AQR: variants seen among roughly 807,000 people sequenced by gnomAD.
AQR encodes the protein RNA helicase aquarius.
In AQR, 61 loss-of-function variants were observed where a neutral mutation model predicts 180.5. That is an observed-to-expected ratio of 0.34 (90% CI 0.28 to 0.42). The LOEUF (loss-of-function observed/expected upper bound fraction) is 0.42. AQR is among the 10% of genes least tolerant of loss of function. The probability of loss-of-function intolerance (pLI) is 1.00; values close to 1 mark genes in which losing one functional copy is unlikely to be tolerated. For synonymous variants in AQR, 551 were observed against 588.8 expected (o/e 0.94, Z 0.93); for missense variants, 1,281 against 1,798.3 (o/e 0.71, Z 5.20).
intron 22 of AQR, among the ~76,000 whole-genome samples, chr15:34,895,187 A>T (rs11073075): frequency 2.3e-4 from 3 of 12,928 alleles, no homozygotes; most frequent in Non-Finnish European, 3.0e-4. Context: ...AAAAAAAAAA[A>T]ATATATATAT....
chr15:34,938,800 T>C lies in AQR; in HGVS notation c.655A>G (p.Arg219Gly). 1 of 1,608,098 alleles carries C rather than the reference T, an allele frequency of 6.2e-7. No individual in the cohort carries two copies. Among genetic ancestry groups the C allele is most frequent in the Non-Finnish European group, 8.5e-7 (1 of 1,175,676 alleles). The part of the protein sequence containing the change: ...PEAREQAYQE[R>G]RFLSQLIQKF... ...TGGATGAGTTGTGAAAGAAATCTCCTCTCTTGATATGCCCTAAAATCAGAA... is the reference window on the plus strand; with the variant it reads ...TGGATGAGTTGTGAAAGAAATCTCCCCTCTTGATATGCCCTAAAATCAGAA... The change falls in exon 9 of 35, where the codon AGG becomes GGG. Residue 219 changes from arginine to glycine, a missense_variant. Coordinates refer to ENST00000156471, the MANE Select transcript of AQR (RefSeq NM_014691.3).
intron 6 of AQR, chr15:34,943,063 A>G (rs1894050361): frequency 6.2e-7 from 1 of 1,610,274 alleles, no homozygotes; most frequent in Admixed American, 1.7e-5. Flanking sequence ...TTCTGTGCCG[A>G]TAACGCTCAC....
intron 2 of AQR, among the ~76,000 whole-genome samples, chr15:34,961,574 C>A (rs1045928422): frequency 8.7e-5 from 12 of 137,748 alleles, no homozygotes; most frequent in Admixed American, 4.0e-4. Context: ...CGCGCCACTG[C>A]ACTCCATCCA....
intron 2 of AQR, among the ~76,000 whole-genome samples, 190 bp from the exon 3 acceptor site, chr15:34,961,004 C>G (rs1039934523): frequency 4.6e-5 from 7 of 151,648 alleles, no homozygotes; most frequent in Non-Finnish European, 1.0e-4. Context: ...TAACAGAAAG[C>G]AAAGTAGAAA....
Position 34,884,618 on chromosome 15 carries a change from A to AGGAGCATTT in AQR, c.2925_2933dup (p.Asn976_Pro978dup), listed in dbSNP as rs1376661644. The AGGAGCATTT allele has an allele frequency of 9.9e-6, 16 of 1,610,186 alleles. No individual in the cohort carries two copies. The highest frequency in any genetic ancestry group is 1.4e-5 in the Non-Finnish European group (16 of 1,179,064). On this transcript the variant is annotated inframe_insertion, in exon 26 of 35. Transcript: ENST00000156471. ...AAGATCTTCCTTTAAAAATGGGTTG[A>AGGAGCATTT]GGAGCATTTGCAAAGTATTCATGGA...
chr15:34,879,502 A>G (rs1350746192), intron 27 of AQR, among the ~76,000 whole-genome samples: 1 of 152,178 alleles, frequency 6.6e-6, no homozygotes, highest in East Asian at 1.9e-4. Flanking sequence ...CTAATCCCAG[A>G]ATCCACCCCC....
At chr15:34,955,922 A>G (rs1894307654) in intron 3 of AQR, among the ~76,000 whole-genome samples, 1 of 151,970 alleles carries the variant, frequency 6.6e-6, no homozygotes, top group Non-Finnish European at 1.5e-5. Context: ...AAAAAAAAAA[A>G]AAATGAAGCC....
At chr15:34,877,474 C>G (rs1212442064) in intron 27 of AQR, among the ~76,000 whole-genome samples, 1 of 152,074 alleles carries the variant, frequency 6.6e-6, no homozygotes, top group Non-Finnish European at 1.5e-5. Flanking sequence ...AGGCATTTCC[C>G]TATTATAATG....
At chr15:34,958,976 TATAG>T (rs1214656650) in intron 3 of AQR, among the ~76,000 whole-genome samples, 1 of 2,694 alleles carries the variant, frequency 3.7e-4, no homozygotes, top group African/African-American at 5.6e-4. Flanking sequence ...CATATAGATA[TATAG>T]ATATAGATAT....
At chr15:34,925,596 T>C (rs964517839) in intron 13 of AQR, among the ~76,000 whole-genome samples, 22 of 152,020 alleles carry the variant, frequency 1.4e-4, no homozygotes, top group Non-Finnish European at 2.2e-4. Flanking sequence ...ATCCCAGCTC[T>C]TTGGGAGGCC....
chr15:34,949,794 TAAAAAAAAAAA>T (rs755539183), intron 4 of AQR, among the ~76,000 whole-genome samples: 2,771 of 114,140 alleles, frequency 0.024, 98 homozygotes, highest in African/African-American at 0.082. Flanking sequence ...TTATCTCTAT[TAAAAAAAAAAA>T]AAAAAAAACC....
At chr15:34,903,573 G>C (rs1893366342) in intron 19 of AQR, among the ~76,000 whole-genome samples, 1 of 151,996 alleles carries the variant, frequency 6.6e-6, no homozygotes, top group African/African-American at 2.4e-5. Context: ...TCAACAACAG[G>C]GAGAGATGAA....
chr15:34,951,135 T>A (rs1453489925), intron 4 of AQR, among the ~76,000 whole-genome samples: 1 of 152,176 alleles, frequency 6.6e-6, no homozygotes, highest in African/African-American at 2.4e-5. Context: ...AATACTGATA[T>A]AAAATAATGC....
At chr15:34,904,917 A>G (rs1370985451) in intron 18 of AQR, among the ~76,000 whole-genome samples, 1 of 152,018 alleles carries the variant, frequency 6.6e-6, no homozygotes, top group Admixed American at 6.6e-5. Flanking sequence ...AATTTAAGGC[A>G]TAGTTTTCTA....
At chr15:34,916,017 G>A (rs1223956651) in intron 15 of AQR, among the ~76,000 whole-genome samples, 3 of 151,800 alleles carry the variant, frequency 2.0e-5, no homozygotes, top group African/African-American at 7.3e-5. Flanking sequence ...ATCTGCATAT[G>A]AGTGATCTGT....
intron 32 of AQR, among the ~76,000 whole-genome samples, chr15:34,867,007 T>G (rs1049928192): frequency 2.6e-5 from 4 of 152,136 alleles, no homozygotes; most frequent in Non-Finnish European, 4.4e-5. Flanking sequence ...TGCTTTATAA[T>G]AAGAAGATAT....
intron 13 of AQR, among the ~76,000 whole-genome samples, chr15:34,924,096 A>G (rs1893720768): frequency 6.6e-6 from 1 of 152,186 alleles, no homozygotes; most frequent in African/African-American, 2.4e-5. Flanking sequence ...ACTTCCTTAC[A>G]TGGTTTCAGA....
chr15:34,960,354 A>G (rs913144805), intron 3 of AQR, among the ~76,000 whole-genome samples: 1 of 152,218 alleles, frequency 6.6e-6, no homozygotes, highest in Non-Finnish European at 1.5e-5. Context: ...CTTACAGCAT[A>G]TTGCTCAAAA....
chr15:34,926,083 C>T (rs1236988915), intron 13 of AQR, among the ~76,000 whole-genome samples: 1 of 151,980 alleles, frequency 6.6e-6, no homozygotes, highest in Non-Finnish European at 1.5e-5. Flanking sequence ...AGGAGAATGG[C>T]GTGAACCCGG....
Sources: gnomAD v4.1 joint callset for allele counts (sites outside exome capture counted in the v4.1 genomes callset) on GRCh38, gnomAD v4.1.1 for gene constraint, MANE v1.5 for transcripts, NCBI Gene and HGNC (gene_info 2026-07-23, HGNC 2026-07-21) for gene names.